NT5DC3: variants seen among roughly 807,000 people sequenced by gnomAD.
NT5DC3 encodes 5'-nucleotidase domain-containing protein 3.
Under a neutral mutation model 67.8 loss-of-function variants are expected in NT5DC3, and 42 were observed. The ratio of observed to expected loss-of-function variants is 0.62; its 90% CI spans 0.48 to 0.80. NT5DC3 has a LOEUF of 0.80. NT5DC3 is among the 30% of genes least tolerant of loss of function. The pLI is 0.00. For synonymous variants in NT5DC3, 237 were observed against 255.6 expected, an observed-to-expected ratio of 0.93 and a Z score of 0.69; for missense variants, 570 against 696.4, an observed-to-expected ratio of 0.82 and a Z score of 2.04.
At position 103,816,343 on chromosome 12, in the gene NT5DC3, T is replaced by C. The variant is rs181260841; in HGVS notation, c.209-1222A>G. On this transcript the variant is annotated intron_variant, in intron 1 of 13. Transcript: ENST00000392876. ...TGCAAAAGTTTGAGATTTTGGAGCA[T>C]TGTGGATTTTAGATTTTCAGATCAG... Among the ~76,000 whole-genome samples the C allele has an allele frequency of 2.4e-3, 361 of 152,310 alleles. 1 individual carries two copies. The highest frequency in any genetic ancestry group is 8.1e-3 in the African/African-American group (337 of 41,568).
chr12:103,783,961 T>A (rs1885663083), intron 12 of NT5DC3, among the ~76,000 whole-genome samples: 1 of 152,198 alleles, frequency 6.6e-6, no homozygotes, highest in Non-Finnish European at 1.5e-5. Flanking sequence ...AGAGCAGTGC[T>A]CTGAAGCATG....
chr12:103,787,800 T>C (rs771387126), intron 10 of NT5DC3, among the ~76,000 whole-genome samples: 4 of 152,232 alleles, frequency 2.6e-5, no homozygotes, highest in South Asian at 2.1e-4. Context: ...CATGTAATGA[T>C]AGCAGCTGGG....
At chr12:103,804,544 G>A (rs1027898918) in intron 4 of NT5DC3, among the ~76,000 whole-genome samples, 1 of 152,140 alleles carries the variant, frequency 6.6e-6, no homozygotes, top group Non-Finnish European at 1.5e-5. Flanking sequence ...CAGGAGGGGA[G>A]AGTCAATTTT....
chr12:103,782,942 C>T (rs1299491499), intron 12 of NT5DC3, among the ~76,000 whole-genome samples: 4 of 151,912 alleles, frequency 2.6e-5, no homozygotes, highest in African/African-American at 9.7e-5. Flanking sequence ...GCCAAGATCG[C>T]GCCACTGCAC....
the NT5DC3 span, chr12:103,761,410 G>C: frequency 6.2e-7 from 1 of 1,613,142 alleles, no homozygotes; most frequent in South Asian, 1.1e-5. Context: ...CTGCCCCCGT[G>C]GTGAGTATCT....
chr12:103,840,802 T>A, intron 1 of NT5DC3, 147 bp downstream of exon 1: 2 of 373,576 alleles, frequency 5.4e-6, no homozygotes, highest in Non-Finnish European at 9.4e-6. Flanking sequence ...CGATGCTGCC[T>A]GCGGCTGGGG....
At position 103,794,025 on chromosome 12, in the gene NT5DC3, G is replaced by A. The variant is rs768057166; in HGVS notation, c.754-28C>T. ...GCCAAAAGATACATTTTTAATCAGC[G>A]AAAATACAACTGAGATAGCCTGAGT... is the stretch of plus-strand genomic sequence containing the variant. On this transcript the variant is annotated intron_variant, in intron 6 of 13. Transcript: ENST00000392876. 1.3e-5 allele frequency: 20 copies of A among 1,580,114 alleles called. 1 individual carries two copies. The highest frequency in any genetic ancestry group is 1.7e-4 in the Middle Eastern group (1 of 6,046).
intron 12 of NT5DC3, among the ~76,000 whole-genome samples, chr12:103,783,839 T>A (rs1024560137): frequency 6.3e-4 from 94 of 149,748 alleles, no homozygotes; most frequent in Non-Finnish European, 1.2e-3. Context: ...ACTGATACCA[T>A]CTACGTGCAG....
chr12:103,789,706 C>T (rs1186564107), intron 9 of NT5DC3, among the ~76,000 whole-genome samples: 1 of 152,134 alleles, frequency 6.6e-6, no homozygotes, highest in Non-Finnish European at 1.5e-5. Flanking sequence ...ACCAGAAGCA[C>T]TAGTTTATGG....
At chr12:103,757,115 G>A in the NT5DC3 span, among the ~76,000 whole-genome samples, 43 of 151,090 alleles carry the variant, frequency 2.8e-4, no homozygotes, top group African/African-American at 1.0e-3. Context: ...TCTTAAGAGA[G>A]TCTTGTTGTG....
chr12:103,749,299 AT>A, the NT5DC3 span: 6 of 975,096 alleles, frequency 6.2e-6, no homozygotes, highest in Non-Finnish European at 8.6e-6. Context: ...GTTAAAAGTC[AT>A]TGGGCTAAAT....
the NT5DC3 span, chr12:103,750,848 T>G: frequency 3.1e-6 from 4 of 1,307,798 alleles, no homozygotes; most frequent in Non-Finnish European, 4.0e-6. Flanking sequence ...CCCAATACTT[T>G]GGGAGGCCAA....
intron 1 of NT5DC3, among the ~76,000 whole-genome samples, chr12:103,825,404 T>G (rs573712835): frequency 6.6e-6 from 1 of 152,322 alleles, no homozygotes; most frequent in South Asian, 2.1e-4. Context: ...AATGGTTTAA[T>G]GACAACCTAA....
downstream of NT5DC3, among the ~76,000 whole-genome samples, chr12:103,772,012 G>C (rs140893914): frequency 3.0e-4 from 46 of 152,306 alleles, no homozygotes; most frequent in African/African-American, 1.0e-3. Context: ...TGGGAGGAAT[G>C]ACAGTCTTCA....
At position 103,777,976 on chromosome 12, in the gene NT5DC3, G is replaced by A; in HGVS notation, c.1500C>T (p.Tyr500=). The A allele has an allele frequency of 3.7e-6, 6 of 1,614,234 alleles. No individual in the cohort carries two copies. Among genetic ancestry groups the A allele is most frequent in the Non-Finnish European group, 5.1e-6 (6 of 1,180,044 alleles). Reference sequence around the variant, plus strand: ...TCAGGAGGCAGCTCAGAGACGCCATGTAGATGTCAGCGAAGCGCGACAGGC... The same window carrying A: ...TCAGGAGGCAGCTCAGAGACGCCATATAGATGTCAGCGAAGCGCGACAGGC... The part of the protein sequence containing the change: ...LRRLSRFADI[Y]MASLSCLLNY... Residue 500 remains tyrosine (Y), a synonymous_variant, in exon 14 of 14, where the codon TAC becomes TAT. Transcript: ENST00000392876.
chr12:103,798,289 C>T (rs570954517), intron 5 of NT5DC3, among the ~76,000 whole-genome samples: 1 of 152,094 alleles, frequency 6.6e-6, no homozygotes, highest in African/African-American at 2.4e-5. Flanking sequence ...GCTGTCACAC[C>T]GACAGCCCCA....
In NT5DC3 at chr12:103,774,060, T is replaced by G. The variant is rs906035168; in HGVS notation, c.*3769A>C. 1 of 152,144 alleles carries G rather than the reference T, an allele frequency of 6.6e-6. No individual in the cohort carries two copies. Among genetic ancestry groups the G allele is most frequent in the Non-Finnish European group, 1.5e-5 (1 of 68,018 alleles). The allele number at this position is 152,144 out of a possible 1,614,324, so 9.4% of individuals were successfully genotyped here. On this transcript the variant is annotated 3_prime_UTR_variant, in exon 14 of 14. Transcript: ENST00000392876. The stretch of plus-strand genomic sequence containing the variant: ...GCTCTAAGCCAAACAACTAAAGTAT[T>G]TCAAAAGCCACGTTTCACCCGTAAA...
At chr12:103,793,663 G>A (rs181914226) in intron 7 of NT5DC3, 151 bp from the exon 8 acceptor site, 26 of 638,188 alleles carry the variant, frequency 4.1e-5, no homozygotes, top group African/African-American at 1.3e-4. Flanking sequence ...GGTGGAACAC[G>A]GGTACATCTG....
intron 11 of NT5DC3, among the ~76,000 whole-genome samples, chr12:103,786,148 G>A (rs1885762320): frequency 2.0e-5 from 3 of 151,968 alleles, no homozygotes; most frequent in Non-Finnish European, 4.4e-5. Context: ...CAGCCCTCGT[G>A]GAAAATACAG....
Sources: allele counts gnomAD v4.1 joint callset (sites outside exome capture counted in the v4.1 genomes callset), GRCh38; gene constraint gnomAD v4.1.1; transcripts MANE v1.5; gene names NCBI Gene and HGNC (gene_info 2026-07-23, HGNC 2026-07-21).